INPP4B: variants seen among roughly 807,000 people sequenced by gnomAD.
INPP4B encodes the protein inositol polyphosphate 4-phosphatase type II.
INPP4B carries 55 observed loss-of-function variants against 122.5 expected under a neutral mutation model. The ratio of observed to expected loss-of-function variants is 0.45; its 90% confidence interval spans 0.36 to 0.56. INPP4B has a LOEUF of 0.56. Among genes scored for constraint, INPP4B ranks in the 20% least tolerant of loss-of-function variants. INPP4B has a pLI of 0.00. For synonymous variants in INPP4B, 403 were observed against 388.7 expected (o/e 1.04, Z -0.43); for missense variants, 1,000 against 1,097.7 (o/e 0.91, Z 1.26).
chr4:142,663,073 T>G (rs1580658174), intron 2 of INPP4B, among the ~76,000 whole-genome samples: 1 of 152,266 alleles, frequency 6.6e-6, no homozygotes, highest in Non-Finnish European at 1.5e-5. Context: ...AAGGAAAAAC[T>G]TAATTTACCA....
chr4:142,099,303 T>G (rs576816741), intron 23 of INPP4B, among the ~76,000 whole-genome samples: 76 of 152,298 alleles, frequency 5.0e-4, no homozygotes, highest in African/African-American at 1.8e-3. Context: ...TTTACACATT[T>G]TTATGTGTCT....
chr4:142,339,216 C>T (rs971590901), intron 7 of INPP4B, among the ~76,000 whole-genome samples: 3 of 152,078 alleles, frequency 2.0e-5, no homozygotes, highest in African/African-American at 7.2e-5. Context: ...GCAAACAGTC[C>T]CTTTGTAAAT....
intron 2 of INPP4B, among the ~76,000 whole-genome samples, chr4:142,601,728 G>A (rs919714273): frequency 3.3e-5 from 5 of 151,916 alleles, no homozygotes; most frequent in African/African-American, 7.2e-5. Flanking sequence ...CCAGCACTTT[G>A]GGAGGCTGAG....
At position 142,730,695 on chromosome 4, in the gene INPP4B, T is replaced by C. The variant is rs181010220; in HGVS notation, c.-253-4794A>G. On this transcript the variant is annotated intron_variant, in intron 1 of 25. Coordinates refer to ENST00000262992, the MANE Select transcript of INPP4B (RefSeq NM_001101669.3). ...ACTTATATTGCCTTCTTGAGTTGTCTTGTGCTGTCGTGTCTCCACAGATAT... is the reference window on the plus strand; with the variant it reads ...ACTTATATTGCCTTCTTGAGTTGTCCTGTGCTGTCGTGTCTCCACAGATAT... Among the ~76,000 whole-genome samples, 16 of 152,344 alleles carry C rather than the reference T, an allele frequency of 1.1e-4. No individual in the cohort carries two copies. In the East Asian group the frequency reaches 3.1e-3, roughly 29 times the overall value.
chr4:142,369,931 CAA>C (rs11422223), intron 7 of INPP4B, among the ~76,000 whole-genome samples: 12 of 94,516 alleles, frequency 1.3e-4, no homozygotes, highest in African/African-American at 2.6e-4. Context: ...GACTCCATCT[CAA>C]AAAAAAAAAA....
intron 25 of INPP4B, among the ~76,000 whole-genome samples, chr4:142,072,542 T>TTTC (rs1768115834): frequency 7.1e-6 from 1 of 140,342 alleles, no homozygotes; most frequent in African/African-American, 2.6e-5. Flanking sequence ...GGAAATGACT[T>TTTC]TTTTTTTTTT....
chr4:142,781,121 G>A (rs534464467), intron 1 of INPP4B, among the ~76,000 whole-genome samples: 18 of 152,328 alleles, frequency 1.2e-4, no homozygotes, highest in Non-Finnish European at 2.1e-4. Context: ...GGGGCTGGGT[G>A]TCAATGAAAG....
intron 18 of INPP4B, among the ~76,000 whole-genome samples, chr4:142,126,789 T>TC (rs1798812296): frequency 6.6e-6 from 1 of 151,828 alleles, no homozygotes; most frequent in South Asian, 2.1e-4. Context: ...AACTTTTTTT[T>TC]CATAATAAGA....
chr4:142,541,564 C>T (rs917719515), intron 2 of INPP4B, among the ~76,000 whole-genome samples: 1 of 152,136 alleles, frequency 6.6e-6, no homozygotes, highest in Non-Finnish European at 1.5e-5. Flanking sequence ...TATTGCCTCA[C>T]AACTCCAAAT....
intron 11 of INPP4B, among the ~76,000 whole-genome samples, chr4:142,248,656 G>A (rs1038872434): frequency 4.6e-5 from 7 of 151,504 alleles, no homozygotes; most frequent in African/African-American, 1.7e-4. Flanking sequence ...GTGTGTATGT[G>A]TGTGTGTGTG....
chr4:142,638,039 T>G (rs1050320708), intron 2 of INPP4B, among the ~76,000 whole-genome samples: 1 of 152,212 alleles, frequency 6.6e-6, no homozygotes, highest in Non-Finnish European at 1.5e-5. Context: ...TTAAAAAAAT[T>G]AAGCTGTTAG....
intron 25 of INPP4B, among the ~76,000 whole-genome samples, chr4:142,075,723 G>C (rs1770297448): frequency 6.6e-6 from 1 of 151,972 alleles, no homozygotes; most frequent in African/African-American, 2.4e-5. Context: ...CCCACTGGGT[G>C]CAGAGACTTT....
intron 2 of INPP4B, among the ~76,000 whole-genome samples, chr4:142,476,134 C>T (rs1819742695): frequency 1.3e-5 from 2 of 152,176 alleles, no homozygotes; most frequent in Admixed American, 1.3e-4. Flanking sequence ...ATTAGGATAA[C>T]AGCAGACCTT....
intron 25 of INPP4B, among the ~76,000 whole-genome samples, chr4:142,040,387 GGCA>G (rs1746636858): frequency 2.0e-5 from 3 of 152,224 alleles, no homozygotes. Flanking sequence ...ATAGGAAATG[GGCA>G]CATCAGTGGC....
intron 7 of INPP4B, among the ~76,000 whole-genome samples, chr4:142,387,859 C>T (rs971927860): frequency 6.6e-6 from 1 of 152,130 alleles, no homozygotes; most frequent in Non-Finnish European, 1.5e-5. Flanking sequence ...GCCCGCTGTT[C>T]AAGATGGCCC....
At chr4:142,678,514 T>A (rs1474971629) in intron 2 of INPP4B, among the ~76,000 whole-genome samples, 2 of 151,868 alleles carry the variant, frequency 1.3e-5, no homozygotes, top group Non-Finnish European at 2.9e-5. Flanking sequence ...AAATTTAGAT[T>A]TGGAACTAGG....
At chr4:142,744,099 T>C (rs932136568) in intron 1 of INPP4B, among the ~76,000 whole-genome samples, 4 of 151,892 alleles carry the variant, frequency 2.6e-5, no homozygotes, top group Non-Finnish European at 4.4e-5. Context: ...AAAGAACAGA[T>C]GATGACTCTC....
intron 18 of INPP4B, among the ~76,000 whole-genome samples, chr4:142,139,302 AATT>A (rs149940996): frequency 8.6e-5 from 13 of 151,382 alleles, no homozygotes; most frequent in Admixed American, 2.0e-4. Context: ...TCTAGTCTTT[AATT>A]ATTATTATTA....
chr4:142,756,539 G>A (rs564539014), intron 1 of INPP4B, among the ~76,000 whole-genome samples: 1 of 151,864 alleles, frequency 6.6e-6, no homozygotes, highest in African/African-American at 2.4e-5. Flanking sequence ...CTTACTCTAC[G>A]GCATTCCAAG....
Sources: allele counts gnomAD v4.1 joint callset (sites outside exome capture counted in the v4.1 genomes callset), GRCh38; gene constraint gnomAD v4.1.1; transcripts MANE v1.5; gene names NCBI Gene and HGNC (gene_info 2026-07-23, HGNC 2026-07-21).